The following SLC24A3 variants were observed in gnomAD, a reference collection of about 807,000 sequenced individuals.
SLC24A3 encodes the protein sodium/potassium/calcium exchanger 3.
A neutral mutation model predicts 75.8 loss-of-function variants in SLC24A3; 28 were observed. The observed-to-expected ratio is 0.37, with a 90% CI of 0.27 to 0.51. The LOEUF is 0.51. Ranked by LOEUF, SLC24A3 falls within the 20% of genes least tolerant of loss-of-function variation. The probability of loss-of-function intolerance (pLI) is 0.94; values close to 1 mark genes in which losing one functional copy is unlikely to be tolerated. For missense variants in SLC24A3, 663 were observed against 847.8 expected (o/e 0.78, Z 2.71); for synonymous variants, 372 against 334.1 (o/e 1.11, Z -1.24).
chr20:19,265,402 A>G (rs937671178), intron 1 of SLC24A3, among the ~76,000 whole-genome samples: 2 of 152,228 alleles, frequency 1.3e-5, no homozygotes, highest in Non-Finnish European at 2.9e-5. Context: ...ATGCAAAGAA[A>G]AGAAATAGCT....
intron 6 of SLC24A3, among the ~76,000 whole-genome samples, chr20:19,620,790 C>T (rs538806843): frequency 6.6e-6 from 1 of 152,304 alleles, no homozygotes; most frequent in East Asian, 1.9e-4. Context: ...GAGGCAATAA[C>T]TCTGGCCTCA....
intron 1 of SLC24A3, among the ~76,000 whole-genome samples, chr20:19,217,855 T>A (rs1981604998): frequency 1.3e-5 from 2 of 152,212 alleles, no homozygotes; most frequent in Non-Finnish European, 2.9e-5. Flanking sequence ...AATTCCTCAC[T>A]ACCTGGCTCG....
intron 3 of SLC24A3, among the ~76,000 whole-genome samples, chr20:19,516,809 G>A (rs528278439): frequency 3.3e-4 from 50 of 152,318 alleles, no homozygotes; most frequent in African/African-American, 1.1e-3. Context: ...CAACGGAGGG[G>A]TCAGAGACCT....
intron 3 of SLC24A3, among the ~76,000 whole-genome samples, chr20:19,546,561 G>T (rs1269437826): frequency 6.6e-6 from 1 of 152,204 alleles, no homozygotes; most frequent in Non-Finnish European, 1.5e-5. Flanking sequence ...CAAGGCAGCT[G>T]CATAGAATGT....
At chr20:19,579,192 AAGAGTGGG>A (rs2031182985) in intron 3 of SLC24A3, among the ~76,000 whole-genome samples, 1 of 152,196 alleles carries the variant, frequency 6.6e-6, no homozygotes, top group Non-Finnish European at 1.5e-5. Flanking sequence ...CTCCTTAGGA[AAGAGTGGG>A]AGAAGGATGT....
chr20:19,482,022 C>G (rs1988063321), intron 2 of SLC24A3, among the ~76,000 whole-genome samples: 1 of 152,210 alleles, frequency 6.6e-6, no homozygotes, highest in Admixed American at 6.5e-5. Flanking sequence ...GAGCCAAGCA[C>G]TTCTTCCTCT....
intron 2 of SLC24A3, among the ~76,000 whole-genome samples, chr20:19,359,981 A>T (rs971390112): frequency 6.6e-6 from 1 of 152,078 alleles, no homozygotes; most frequent in East Asian, 1.9e-4. Flanking sequence ...ATCACTCCTG[A>T]GGTCTGTCAG....
At chr20:19,459,679 C>T (rs1739681322) in intron 2 of SLC24A3, among the ~76,000 whole-genome samples, 1 of 152,100 alleles carries the variant, frequency 6.6e-6, no homozygotes, top group Non-Finnish European at 1.5e-5. Flanking sequence ...TCAATAAATA[C>T]TTCTTTTAAT....
intron 15 of SLC24A3, among the ~76,000 whole-genome samples, chr20:19,711,953 G>C (rs62200302): frequency 2.3e-5 from 3 of 131,578 alleles, no homozygotes; most frequent in African/African-American, 8.2e-5. Flanking sequence ...TGCTCATTTT[G>C]TTTGTTTGTT....
intron 2 of SLC24A3, among the ~76,000 whole-genome samples, chr20:19,381,528 G>A (rs1427185299): frequency 1.3e-5 from 2 of 152,146 alleles, no homozygotes; most frequent in East Asian, 1.9e-4. Context: ...AGCAGAAGAC[G>A]CTTGCAGGAT....
chr20:19,560,555 T>C (rs2030858680), intron 3 of SLC24A3, among the ~76,000 whole-genome samples: 1 of 152,208 alleles, frequency 6.6e-6, no homozygotes. Context: ...AGGGTACATC[T>C]GCTCCCTGTA....
chr20:19,278,329 G>C (rs1380342116), intron 1 of SLC24A3, among the ~76,000 whole-genome samples: 1 of 152,174 alleles, frequency 6.6e-6, no homozygotes, highest in African/African-American at 2.4e-5. Context: ...GACTTAAAGT[G>C]CACCTACTAT....
intron 3 of SLC24A3, among the ~76,000 whole-genome samples, chr20:19,561,798 GAA>G (rs1357176230): frequency 6.6e-6 from 1 of 152,220 alleles, no homozygotes; most frequent in East Asian, 1.9e-4. Flanking sequence ...ACACACAAAG[GAA>G]ACTGAAGCCT....
intron 3 of SLC24A3, among the ~76,000 whole-genome samples, chr20:19,573,448 C>T (rs2031084404): frequency 6.6e-6 from 1 of 152,238 alleles, no homozygotes; most frequent in Admixed American, 6.5e-5. Flanking sequence ...CCTTGCACTA[C>T]CTCTACCCAG....
intron 1 of SLC24A3, among the ~76,000 whole-genome samples, chr20:19,257,056 A>G (rs1429944077): frequency 6.6e-6 from 1 of 152,174 alleles, no homozygotes; most frequent in East Asian, 1.9e-4. Context: ...CCACAAAACG[A>G]TCCCTAGGTT....
intron 2 of SLC24A3, among the ~76,000 whole-genome samples, chr20:19,406,668 A>T (rs1265812194): frequency 6.6e-6 from 1 of 152,160 alleles, no homozygotes; most frequent in Non-Finnish European, 1.5e-5. Flanking sequence ...GACAGACTGA[A>T]AGGTAGCACA....
intron 2 of SLC24A3, among the ~76,000 whole-genome samples, chr20:19,383,370 A>G (rs938880625): frequency 2.6e-5 from 4 of 152,168 alleles, no homozygotes; most frequent in Non-Finnish European, 5.9e-5. Context: ...ACAGTCTTCT[A>G]TGGAAGTTAA....
chr20:19,442,170 T>C (rs559892919), intron 2 of SLC24A3, among the ~76,000 whole-genome samples: 20 of 152,356 alleles, frequency 1.3e-4, no homozygotes, highest in African/African-American at 4.6e-4. Context: ...TGAATATTTA[T>C]GTGTAGGCTG....
chr20:19,718,038 A>C (rs1238131952), intron 16 of SLC24A3, among the ~76,000 whole-genome samples: 1 of 152,232 alleles, frequency 6.6e-6, no homozygotes, highest in African/African-American at 2.4e-5. Context: ...GTACTTTAAT[A>C]TTCCCAACTC....
Sources: gnomAD v4.1 joint callset for allele counts (sites outside exome capture counted in the v4.1 genomes callset) on GRCh38, gnomAD v4.1.1 for gene constraint, MANE v1.5 for transcripts, NCBI Gene and HGNC (gene_info 2026-07-23, HGNC 2026-07-21) for gene names.